The following KDM4C variants were observed in gnomAD, a reference collection of about 807,000 sequenced individuals.
KDM4C encodes lysine demethylase 4C.
Under a neutral mutation model 129.3 loss-of-function variants are expected in KDM4C, and 81 were observed. That is an observed-to-expected ratio of 0.63 (90% CI 0.52 to 0.75). The LOEUF is 0.75. Among genes scored for constraint, KDM4C ranks in the 30% least tolerant of loss-of-function variants. The pLI is 0.00. For synonymous variants in KDM4C, 573 were observed against 456.1 expected, an observed-to-expected ratio of 1.26 and a Z score of -3.26; for missense variants, 1,457 against 1,304.0, an observed-to-expected ratio of 1.12 and a Z score of -1.81.
In KDM4C at chr9:6,852,401, T is replaced by A. The variant is rs150694108; in HGVS notation, c.629+2701T>A. 3.1e-4 allele frequency among the ~76,000 whole-genome samples: 47 copies of A among 152,292 alleles called. No individual in the cohort carries two copies. In the East Asian group the frequency reaches 8.5e-3, roughly 28 times the overall value. On this transcript the variant is annotated intron_variant, in intron 5 of 21. Transcript: ENST00000381309. ...CTCTGCTTGTCTGGACTCCAGTTCC[T>A]TCACTCCCCCAAGTCACAAGGTTAG... is the stretch of plus-strand genomic sequence containing the variant.
intron 8 of KDM4C, among the ~76,000 whole-genome samples, chr9:6,903,861 C>T (rs1463637462): frequency 6.6e-6 from 1 of 150,966 alleles, no homozygotes; most frequent in African/African-American, 2.4e-5. Flanking sequence ...CAGCATATAT[C>T]TGTATCTTTT....
At chr9:6,952,919 G>A (rs929715075) in intron 8 of KDM4C, among the ~76,000 whole-genome samples, 1 of 152,160 alleles carries the variant, frequency 6.6e-6, no homozygotes, top group Non-Finnish European at 1.5e-5. Context: ...TTGCAGTCGG[G>A]GGAGGGAGAT....
chr9:6,911,534 G>T (rs565017274), intron 8 of KDM4C, among the ~76,000 whole-genome samples: 1 of 152,268 alleles, frequency 6.6e-6, no homozygotes, highest in East Asian at 1.9e-4. Context: ...GTGTTAAATA[G>T]TTGAAATTCA....
chr9:6,893,359 C>T (rs1846377968), intron 8 of KDM4C, 127 bp downstream of exon 8: 1 of 610,548 alleles, frequency 1.6e-6, no homozygotes, highest in Non-Finnish European at 2.7e-6. Context: ...CTCACCACAG[C>T]AATTCACTTC....
intron 1 of KDM4C, among the ~76,000 whole-genome samples, chr9:6,783,723 G>C (rs980598303): frequency 6.6e-6 from 1 of 152,170 alleles, no homozygotes; most frequent in African/African-American, 2.4e-5. Context: ...GGCTTTTCTG[G>C]TTTCAGAGGC....
intron 3 of KDM4C, among the ~76,000 whole-genome samples, chr9:6,808,007 CTG>C (rs1350698544): frequency 5.3e-5 from 6 of 113,830 alleles, no homozygotes; most frequent in Admixed American, 1.6e-4. Context: ...GTCAGCCCCC[CTG>C]CCCGGCCAGC....
intron 1 of KDM4C, among the ~76,000 whole-genome samples, chr9:6,765,109 T>C (rs1243138943): frequency 1.3e-5 from 2 of 152,206 alleles, no homozygotes; most frequent in Non-Finnish European, 2.9e-5. Flanking sequence ...CTTTCCAGCA[T>C]GATCTTTAAG....
At chr9:6,783,542 CTG>C (rs1824826083) in intron 1 of KDM4C, among the ~76,000 whole-genome samples, 1 of 152,028 alleles carries the variant, frequency 6.6e-6, no homozygotes, top group Non-Finnish European at 1.5e-5. Context: ...CCCATAGTGT[CTG>C]TGTTTGGTGG....
chr9:6,945,524 T>G (rs543424739), intron 8 of KDM4C, among the ~76,000 whole-genome samples: 4 of 152,282 alleles, frequency 2.6e-5, no homozygotes, highest in African/African-American at 9.6e-5. Context: ...TTAATTAATT[T>G]TGACAAAATC....
intron 1 of KDM4C, among the ~76,000 whole-genome samples, chr9:6,790,345 T>G (rs1315158346): frequency 1.3e-5 from 2 of 151,516 alleles, no homozygotes; most frequent in African/African-American, 4.8e-5. Flanking sequence ...CCTGGATTCA[T>G]GCCATTCTCC....
chr9:6,728,880 A>G lies in KDM4C; in HGVS notation c.49+7883A>G, dbSNP rs556138121. The stretch of plus-strand genomic sequence containing the variant: ...AACAAAACAAACAAAAAGTATTCTC[A>G]TTAATGTGTGGCCAGAAAAAAATTG... On this transcript the variant is annotated intron_variant, in intron 1 of 17. Transcript: ENST00000536108. Among the ~76,000 whole-genome samples the G allele has an allele frequency of 4.0e-5, 6 of 151,792 alleles. No homozygotes were observed. In the South Asian group the frequency reaches 1.2e-3, roughly 32 times the overall value.
chr9:6,991,183 A>AT (rs1563945275), intron 12 of KDM4C, among the ~76,000 whole-genome samples: 2 of 151,842 alleles, frequency 1.3e-5, no homozygotes, highest in South Asian at 2.1e-4. Context: ...GGCCTAAGTG[A>AT]TCCTCCTACC....
chr9:7,153,229 C>T (rs1222620351), intron 19 of KDM4C, among the ~76,000 whole-genome samples: 2 of 152,162 alleles, frequency 1.3e-5, no homozygotes, highest in Admixed American at 6.5e-5. Context: ...GGGTGAGCCA[C>T]CATGCCCAGC....
intron 5 of KDM4C, among the ~76,000 whole-genome samples, chr9:6,871,769 C>G (rs147693258): frequency 4.2e-4 from 64 of 152,226 alleles, no homozygotes; most frequent in African/African-American, 1.5e-3. Context: ...AGCAGGCACT[C>G]TACAAGGTAG....
intron 19 of KDM4C, among the ~76,000 whole-genome samples, chr9:7,150,101 A>G (rs1219486707): frequency 6.6e-6 from 1 of 152,226 alleles, no homozygotes; most frequent in Non-Finnish European, 1.5e-5. Flanking sequence ...CAACACGGTC[A>G]GTGGGATAGA....
chr9:6,830,667 A>G (rs949904976), intron 4 of KDM4C, among the ~76,000 whole-genome samples: 10 of 152,162 alleles, frequency 6.6e-5, no homozygotes, highest in Non-Finnish European at 1.2e-4. Flanking sequence ...TTCCTTTTCC[A>G]TTGAAGGAAT....
intron 5 of KDM4C, among the ~76,000 whole-genome samples, chr9:6,859,259 C>T (rs543914285): frequency 6.6e-6 from 1 of 152,054 alleles, no homozygotes; most frequent in Admixed American, 6.5e-5. Flanking sequence ...AGGCAGATCA[C>T]GAGGTCAAGA....
chr9:6,773,005 C>CT (rs1308897759), intron 1 of KDM4C, among the ~76,000 whole-genome samples: 24 of 151,124 alleles, frequency 1.6e-4, no homozygotes, highest in Non-Finnish European at 2.1e-4. Flanking sequence ...TTTTCTTTTT[C>CT]TTTTTTGTTT....
intron 19 of KDM4C, among the ~76,000 whole-genome samples, chr9:7,153,252 T>C (rs570274855): frequency 6.6e-6 from 1 of 152,238 alleles, no homozygotes; most frequent in East Asian, 1.9e-4. Flanking sequence ...TAAAAATAAT[T>C]TTTAAGTGTT....
Sources: gnomAD v4.1 joint callset for allele counts (sites outside exome capture counted in the v4.1 genomes callset) on GRCh38, gnomAD v4.1.1 for gene constraint, MANE v1.5 for transcripts, NCBI Gene and HGNC (gene_info 2026-07-23, HGNC 2026-07-21) for gene names.